KCNJ6: variants seen among roughly 807,000 people sequenced by gnomAD.
KCNJ6 encodes the protein potassium inwardly rectifying channel subfamily J member 6, also known as G protein-activated inward rectifier potassium channel 2.
A neutral mutation model predicts 34.2 loss-of-function variants in KCNJ6; 9 were observed. That is an observed-to-expected ratio of 0.26 (90% CI 0.16 to 0.46). The LOEUF (loss-of-function observed/expected upper bound fraction) is 0.46. Among genes scored for constraint, KCNJ6 ranks in the 20% least tolerant of loss-of-function variants. KCNJ6 has a pLI of 1.00. For synonymous variants in KCNJ6, 196 were observed against 207.1 expected (o/e 0.95, Z 0.46); for missense variants, 236 against 531.3 (o/e 0.44, Z 5.46).
chr21:37,736,890 C>T (rs1361687984), intron 2 of KCNJ6, among the ~76,000 whole-genome samples: 2 of 152,210 alleles, frequency 1.3e-5, no homozygotes, highest in Admixed American at 6.5e-5. Flanking sequence ...CCTGGAGGCA[C>T]CGTCCTTAAT....
chr21:37,715,066 T>G lies in KCNJ6; in HGVS notation c.91A>C (p.Lys31Gln). The change falls in exon 3 of 4, where the codon AAG becomes CAG. Residue 31 changes from lysine to glutamine, a missense_variant. Transcript: ENST00000609713. ...TCATCCCTGGCCTGCTTAGGCAACT[T>G]TGGCTGGTGAATGGCCACTGGGCTT... ...VESPVAIHQP[K>Q]LPKQARDDLP... The G allele has an allele frequency of 6.2e-7, 1 of 1,614,218 alleles. No individual in the cohort carries two copies. Among genetic ancestry groups the G allele is most frequent in the Non-Finnish European group, 8.5e-7 (1 of 1,180,036 alleles).
chr21:37,794,952 T>C (rs1293641574), intron 2 of KCNJ6, among the ~76,000 whole-genome samples: 1 of 151,830 alleles, frequency 6.6e-6, no homozygotes, highest in Non-Finnish European at 1.5e-5. Flanking sequence ...ACGAGAAGAA[T>C]GCAATTCCGC....
At chr21:37,667,705 G>T (rs916507282) in intron 3 of KCNJ6, among the ~76,000 whole-genome samples, 3 of 152,016 alleles carry the variant, frequency 2.0e-5, no homozygotes, top group African/African-American at 7.3e-5. Flanking sequence ...ACTGCAGGGT[G>T]TTTAGCAGCA....
At chr21:37,863,771 G>C (rs2055606209) in intron 1 of KCNJ6, among the ~76,000 whole-genome samples, 1 of 136,892 alleles carries the variant, frequency 7.3e-6, no homozygotes, top group Non-Finnish European at 1.6e-5. Context: ...ACTCTTGTAA[G>C]AAAAAAAATG....
chr21:37,838,692 T>G (rs2055464099), intron 2 of KCNJ6, among the ~76,000 whole-genome samples: 1 of 152,232 alleles, frequency 6.6e-6, no homozygotes, highest in Non-Finnish European at 1.5e-5. Context: ...ACTGGCCACA[T>G]TCTTTCATTC....
At chr21:37,815,849 G>A (rs1323701318) in intron 2 of KCNJ6, among the ~76,000 whole-genome samples, 1 of 152,192 alleles carries the variant, frequency 6.6e-6, no homozygotes, top group Non-Finnish European at 1.5e-5. Flanking sequence ...GTGTACCCAG[G>A]ACATTTCAGG....
chr21:37,636,786 T>C (rs550184587), intron 3 of KCNJ6, among the ~76,000 whole-genome samples: 5 of 152,332 alleles, frequency 3.3e-5, no homozygotes, highest in African/African-American at 1.2e-4. Flanking sequence ...GAGAAGTTTG[T>C]GTGCAGAATA....
chr21:37,807,733 T>C (rs1226445502), intron 2 of KCNJ6, among the ~76,000 whole-genome samples: 2 of 152,208 alleles, frequency 1.3e-5, no homozygotes, highest in Non-Finnish European at 2.9e-5. Context: ...ATCTAGCAAT[T>C]TGAACTCTCT....
chr21:37,835,580 T>G (rs775776792), intron 2 of KCNJ6, among the ~76,000 whole-genome samples: 1 of 152,206 alleles, frequency 6.6e-6, no homozygotes, highest in Non-Finnish European at 1.5e-5. Flanking sequence ...ATTCAGAGCT[T>G]TCGGGCTATT....
chr21:37,844,154 G>T (rs1157876933), intron 1 of KCNJ6, among the ~76,000 whole-genome samples: 1 of 151,756 alleles, frequency 6.6e-6, no homozygotes, highest in Non-Finnish European at 1.5e-5. Context: ...CGCCTCCCGG[G>T]TTCAAGCAAT....
chr21:37,796,122 T>C (rs1237875387), intron 2 of KCNJ6, among the ~76,000 whole-genome samples: 2 of 152,148 alleles, frequency 1.3e-5, no homozygotes, highest in African/African-American at 4.8e-5. Context: ...GGGTTTACAT[T>C]TGCCGTAGCC....
chr21:37,887,686 A>G (rs1004639480), intron 1 of KCNJ6, among the ~76,000 whole-genome samples: 1 of 152,220 alleles, frequency 6.6e-6, no homozygotes, highest in African/African-American at 2.4e-5. Context: ...AAGAAGAAAC[A>G]GGATGGATGT....
intron 3 of KCNJ6, among the ~76,000 whole-genome samples, chr21:37,647,322 G>A (rs150071202): frequency 2.0e-5 from 3 of 152,152 alleles, no homozygotes; most frequent in Non-Finnish European, 4.4e-5. Context: ...GCCGACAGAT[G>A]TGTGTATGAG....
chr21:37,733,029 C>T (rs1328074101), intron 2 of KCNJ6, among the ~76,000 whole-genome samples: 1 of 152,224 alleles, frequency 6.6e-6, no homozygotes, highest in Admixed American at 6.5e-5. Context: ...TATTTCTCTG[C>T]ATCATTTTCC....
At chr21:37,802,789 A>G (rs146816525) in intron 2 of KCNJ6, among the ~76,000 whole-genome samples, 2 of 152,342 alleles carry the variant, frequency 1.3e-5, no homozygotes, top group African/African-American at 2.4e-5. Context: ...CATTTAAATC[A>G]TTTTAAGGGT....
chr21:37,865,939 G>A (rs2055620315), intron 1 of KCNJ6, among the ~76,000 whole-genome samples: 1 of 76,570 alleles, frequency 1.3e-5, no homozygotes, highest in African/African-American at 5.2e-5. Context: ...AGTGTAGATC[G>A]TGTGTTAGAC....
chr21:37,717,488 G>A (rs2054799444), intron 2 of KCNJ6, among the ~76,000 whole-genome samples: 1 of 152,214 alleles, frequency 6.6e-6, no homozygotes, highest in South Asian at 2.1e-4. Flanking sequence ...TGGGATGTGT[G>A]GAGGGAGGCA....
intron 2 of KCNJ6, among the ~76,000 whole-genome samples, chr21:37,801,145 AC>A (rs1161903440): frequency 1.3e-5 from 2 of 152,084 alleles, no homozygotes; most frequent in Admixed American, 6.5e-5. Flanking sequence ...TTTGAACCCA[AC>A]CCTTTGGCCT....
chr21:37,799,194 T>C (rs2055257682), intron 2 of KCNJ6, among the ~76,000 whole-genome samples: 1 of 152,154 alleles, frequency 6.6e-6, no homozygotes, highest in Admixed American at 6.5e-5. Context: ...GTTCCTGCAT[T>C]AGTTTGCTAA....
Sources: allele counts gnomAD v4.1 joint callset (sites outside exome capture counted in the v4.1 genomes callset), GRCh38; gene constraint gnomAD v4.1.1; transcripts MANE v1.5; gene names NCBI Gene and HGNC (gene_info 2026-07-23, HGNC 2026-07-21).